MGAT1: variants seen among roughly 807,000 people sequenced by gnomAD.
MGAT1 encodes the protein N-glycosyl-oligosaccharide-glycoprotein N-acetylglucosaminyltransferase I.
A neutral mutation model predicts 31.7 loss-of-function variants in MGAT1; 14 were observed. The ratio of observed to expected loss-of-function variants is 0.44; its 90% CI spans 0.29 to 0.69. The LOEUF (loss-of-function observed/expected upper bound fraction) is 0.69, where lower values mean the gene tolerates loss of function less well. MGAT1 is among the 30% of genes least tolerant of loss of function. The pLI is 0.12. For synonymous variants in MGAT1, 338 were observed against 276.0 expected, an observed-to-expected ratio of 1.22 and a Z score of -2.23; for missense variants, 557 against 626.0, an observed-to-expected ratio of 0.89 and a Z score of 1.18.
intron 1 of MGAT1, 100 bp from the exon 2 acceptor site, chr5:180,793,197 G>A (rs1768617913): frequency 1.7e-6 from 1 of 594,982 alleles, no homozygotes; most frequent in South Asian, 2.0e-5. Context: ...AAGAGTGAGG[G>A]TGGAGGAAGG....
At chr5:180,805,682 G>A (rs1450175675), upstream of MGAT1, among the ~76,000 whole-genome samples, 2 of 152,034 alleles carry the variant, frequency 1.3e-5, no homozygotes, top group African/African-American at 4.8e-5. Flanking sequence ...CCTGGGAAGC[G>A]GAGGTTGCAG....
Position 180,791,396 on chromosome 5 carries a change from G to C in MGAT1, c.*238C>G. On this transcript the variant is annotated 3_prime_UTR_variant, in exon 2 of 2. Transcript: ENST00000307826. ...CAAGCCCAGTGCCCCCCACCACACA[G>C]TGGTTTCCTGCTTAATACCCCGCAA... The C allele has an allele frequency of 1.7e-6, 1 of 592,528 alleles. No homozygotes were observed. The allele number at this position is 592,528 out of a possible 1,614,324, so 36.7% of individuals were successfully genotyped here.
chr5:180,804,402 A>T (rs1025326800), upstream of MGAT1, among the ~76,000 whole-genome samples: 25 of 152,228 alleles, frequency 1.6e-4, no homozygotes, highest in African/African-American at 6.0e-4. Flanking sequence ...CCTCCGCTTA[A>T]GTGGCCAGAG....
At chr5:180,811,979 A>G (rs1223461295) in intron 1 of MGAT1, among the ~76,000 whole-genome samples, 2 of 152,088 alleles carry the variant, frequency 1.3e-5, no homozygotes, top group Non-Finnish European at 2.9e-5. Context: ...TTCCTGACCA[A>G]CCTGTTTAAA....
chr5:180,794,411 T>TTTTATATATATATA (rs528893463), intron 1 of MGAT1, among the ~76,000 whole-genome samples: 2,274 of 141,986 alleles, frequency 0.016, 39 homozygotes, highest in East Asian at 0.066. Context: ...TTTTTTTTTA[T>TTTTATATATATATA]TATATATATA....
At chr5:180,815,066 G>A (rs555118617) in intron 1 of MGAT1, among the ~76,000 whole-genome samples, 1 of 152,310 alleles carries the variant, frequency 6.6e-6, no homozygotes, top group Admixed American at 6.5e-5. Flanking sequence ...GCTGCATTTG[G>A]TGAGAGCCCT....
At chr5:180,803,813 C>T (rs1436217561), upstream of MGAT1, 1 of 152,492 alleles carries the variant, frequency 6.6e-6, no homozygotes, top group Non-Finnish European at 1.5e-5. Context: ...GCTGTCTCAC[C>T]ATGGGACCCC....
rs543414833 is a variant in MGAT1 at position 180,787,462 on chromosome 5, T to C, written c.*4172A>G. The C allele has an allele frequency of 6.6e-6, 1 of 152,356 alleles. No homozygotes were observed. Among genetic ancestry groups the C allele is most frequent in the Admixed American group, 6.5e-5 (1 of 15,310 alleles). The allele number at this position is 152,356 out of a possible 1,614,324, so 9.4% of individuals were successfully genotyped here. On this transcript the variant is annotated 3_prime_UTR_variant, in exon 2 of 2. Coordinates refer to ENST00000307826, the MANE Select transcript of MGAT1 (RefSeq NM_002406.4). ...TTCTGTTCTATACATTTGTATGTTA[T>C]TTAAAGTTACACAGCCAGACAAATA...
intron 1 of MGAT1, 96 bp downstream of exon 1, chr5:180,802,584 A>G (rs964877341): frequency 2.0e-5 from 3 of 152,306 alleles, no homozygotes; most frequent in African/African-American, 7.2e-5. Flanking sequence ...ACTCATGGGC[A>G]CCGGGGCTTT....
In MGAT1 at chr5:180,791,509, C is replaced by T. The variant is rs986744078; in HGVS notation, c.*125G>A. 31 of 1,228,716 alleles carry T rather than the reference C, an allele frequency of 2.5e-5. No individual in the cohort carries two copies. The highest frequency in any genetic ancestry group is 4.6e-5 in the African/African-American group (3 of 65,828). The allele number at this position is 1,228,716 out of a possible 1,614,324, so 76.1% of individuals were successfully genotyped here. On this transcript the variant is annotated 3_prime_UTR_variant, in exon 2 of 2. Transcript: ENST00000307826. Reference sequence around the variant, plus strand: ...ATCATTTGTGCACTTAAATGCCACTCGGAAAAATCAAAAAGATAAATGCAC... The same window carrying T: ...ATCATTTGTGCACTTAAATGCCACTTGGAAAAATCAAAAAGATAAATGCAC...
chr5:180,787,497 C>T lies in MGAT1; in HGVS notation c.*4137G>A, dbSNP rs1305013017. On this transcript the variant is annotated 3_prime_UTR_variant, in exon 2 of 2. Coordinates refer to ENST00000307826, the MANE Select transcript of MGAT1 (RefSeq NM_002406.4). ...CACAGCCAGACAAATATGTACATAA[C>T]ACTATGGGTTTTGGTGGTAAATGTT... 2 of 152,208 alleles carry T rather than the reference C, an allele frequency of 1.3e-5. No homozygotes were observed. The highest frequency in any genetic ancestry group is 2.9e-5 in the Non-Finnish European group (2 of 68,040). 9.4% of individuals were successfully genotyped at this position (152,208 alleles called of 1,614,324 possible). A position where few individuals can be genotyped will look rare whatever the true frequency, so the allele number is the denominator to read the frequency against.
upstream of MGAT1, among the ~76,000 whole-genome samples, chr5:180,806,752 T>G (rs1209025899): frequency 2.0e-5 from 3 of 152,182 alleles, no homozygotes; most frequent in Non-Finnish European, 4.4e-5. Flanking sequence ...CAAAACAGAT[T>G]GACTGGATCA....
At chr5:180,800,032 T>C (rs62405459) in intron 1 of MGAT1, among the ~76,000 whole-genome samples, 18,883 of 152,178 alleles carry the variant, frequency 0.12, 1,244 homozygotes, top group East Asian at 0.25. Flanking sequence ...CTGACTGCAA[T>C]GGCGTGAAAG....
At chr5:180,800,045 C>T (rs768140055) in intron 1 of MGAT1, among the ~76,000 whole-genome samples, 42 of 152,290 alleles carry the variant, frequency 2.8e-4, no homozygotes, top group Non-Finnish European at 5.0e-4. Context: ...CGTGAAAGAC[C>T]ACAAGCAAGA....
rs1417470295 is a variant in MGAT1, at chr5:180,791,907, G to A, written c.1065C>T (p.Asp355=). The A allele has an allele frequency of 4.3e-6, 7 of 1,614,204 alleles. No individual in the cohort carries two copies. Among genetic ancestry groups the A allele is most frequent in the Non-Finnish European group, 5.9e-6 (7 of 1,180,034 alleles). Residue 355 remains aspartate, a synonymous_variant, in exon 2 of 2, where the codon GAC becomes GAT. Coordinates refer to ENST00000307826, the MANE Select transcript of MGAT1 (RefSeq NM_002406.4). ...CGTAGACGCGGGCGAGGAAATCTCG[G>A]TCATAGGCCTCCCGCTGCAGGTAAG... ...DLSYLQREAY[D]RDFLARVYGA... is the part of the protein sequence containing the mutation.
At chr5:180,800,461 GCTCTCACATT>G (rs1347872036) in intron 1 of MGAT1, among the ~76,000 whole-genome samples, 2 of 152,210 alleles carry the variant, frequency 1.3e-5, no homozygotes, top group African/African-American at 2.4e-5. Flanking sequence ...GCCCCTAGAG[GCTCTCACATT>G]CTCTCACATG....
rs183841855 is a variant in MGAT1 at position 180,784,981 on chromosome 5, G to C, written c.*6653C>G. 2.2e-4 allele frequency: 34 copies of C among 152,360 alleles called. No homozygotes were observed. The highest frequency in any genetic ancestry group is 7.7e-4 in the African/African-American group (32 of 41,586). The allele number at this position is 152,360 out of a possible 1,614,324, so 9.4% of individuals were successfully genotyped here. A position where few individuals can be genotyped will look rare whatever the true frequency, so the allele number is the denominator to read the frequency against. On this transcript the variant is annotated 3_prime_UTR_variant, in exon 2 of 2. Coordinates refer to ENST00000307826, the MANE Select transcript of MGAT1 (RefSeq NM_002406.4). Reference sequence around the variant, plus strand: ...CCTCGTTGGATCATGTCAGTGGAAAGAGTATGGTTCTTCTTTGTATTAGTC... The same window carrying C: ...CCTCGTTGGATCATGTCAGTGGAAACAGTATGGTTCTTCTTTGTATTAGTC...
upstream of MGAT1, among the ~76,000 whole-genome samples, chr5:180,807,622 C>A (rs1339639855): frequency 3.3e-5 from 5 of 152,216 alleles, no homozygotes; most frequent in Non-Finnish European, 1.5e-5. Context: ...CATCCTTCCA[C>A]CCCCTCTTTA....
rs1432185073 is a variant in MGAT1, at chr5:180,792,736, A to T, written c.236T>A (p.Leu79Gln). Residue 79 changes from leucine (L) to glutamine (Q), a missense_variant, in exon 2 of 2, where the codon CTG (leucine) becomes CAG (glutamine). Leu to Gln is a moderately radical substitution (Grantham distance 113, BLOSUM62 -2). Coordinates refer to ENST00000307826, the MANE Select transcript of MGAT1 (RefSeq NM_002406.4). ...RGLLQQIGDA[L>Q]SSQRGRVPTA... ...GGGCACCCTCCCCCGCTGGCTCGAC[A>T]GGGCATCCCCGATCTGCTGCAGCAG... 1 of 1,547,496 alleles carries T rather than the reference A, an allele frequency of 6.5e-7. No individual in the cohort carries two copies. Among genetic ancestry groups the T allele is most frequent in the Admixed American group, 2.0e-5 (1 of 50,782 alleles).
Sources: gnomAD v4.1 joint callset for allele counts (sites outside exome capture counted in the v4.1 genomes callset) on GRCh38, gnomAD v4.1.1 for gene constraint, MANE v1.5 for transcripts, NCBI Gene and HGNC (gene_info 2026-07-23, HGNC 2026-07-21) for gene names.